FNDC3B: variants seen among roughly 807,000 people sequenced by gnomAD.
The protein encoded by FNDC3B is fibronectin type III domain containing 3B.
FNDC3B carries 12 observed loss-of-function variants against 151.5 expected under a neutral mutation model. The observed-to-expected ratio is 0.08, with a 90% CI of 0.05 to 0.13. The LOEUF is 0.13. Among genes scored for constraint, FNDC3B ranks in the 10% least tolerant of loss-of-function variants. The pLI is 1.00. For synonymous variants in FNDC3B, 528 were observed against 549.0 expected (o/e 0.96, Z 0.54); for missense variants, 1,214 against 1,505.3 (o/e 0.81, Z 3.20).
At chr3:172,274,465 G>A (rs898956385) in intron 6 of FNDC3B, among the ~76,000 whole-genome samples, 2 of 152,038 alleles carry the variant, frequency 1.3e-5, no homozygotes, top group African/African-American at 4.8e-5. Flanking sequence ...GAAGACCTGA[G>A]GATTTGATAC....
rs961013479 is a variant in FNDC3B, at chr3:172,303,930, A to G, written c.1062-3433A>G. ...TTTGTACTATATGCAGCATACTTAC[A>G]TTGCCATGCAAAATGGCTGACAAAA... is the stretch of plus-strand genomic sequence containing the variant. On this transcript the variant is annotated intron_variant, in intron 9 of 25. Transcript: ENST00000415807. Among the ~76,000 whole-genome samples the G allele has an allele frequency of 3.2e-4, 49 of 152,354 alleles. 1 individual carries two copies. The highest frequency in any genetic ancestry group is 1.2e-3 in the African/African-American group (48 of 41,582).
At chr3:172,305,577 A>C (rs1731156592) in intron 9 of FNDC3B, among the ~76,000 whole-genome samples, 1 of 152,228 alleles carries the variant, frequency 6.6e-6, no homozygotes, top group African/African-American at 2.4e-5. Context: ...GTAGTGACAT[A>C]GTCCTTTATT....
At chr3:172,201,475 G>A (rs979911151) in intron 3 of FNDC3B, among the ~76,000 whole-genome samples, 1 of 152,188 alleles carries the variant, frequency 6.6e-6, no homozygotes, top group Non-Finnish European at 1.5e-5. Context: ...GTGTTCTTCT[G>A]CCACTGGGCT....
At chr3:172,381,798 C>G (rs1337910503) in intron 25 of FNDC3B, among the ~76,000 whole-genome samples, 1 of 152,168 alleles carries the variant, frequency 6.6e-6, no homozygotes, top group African/African-American at 2.4e-5. Flanking sequence ...AGGACATGAA[C>G]TCGTTCTTTT....
chr3:172,231,563 TGGTG>T (rs1213268183), intron 4 of FNDC3B, among the ~76,000 whole-genome samples: 1 of 152,110 alleles, frequency 6.6e-6, no homozygotes, highest in African/African-American at 2.4e-5. Flanking sequence ...TTATTGGTGG[TGGTG>T]ATGGTGATGG....
chr3:172,355,096 T>A (rs1734031837), intron 22 of FNDC3B, among the ~76,000 whole-genome samples: 1 of 152,214 alleles, frequency 6.6e-6, no homozygotes, highest in South Asian at 2.1e-4. Flanking sequence ...CAATACTACT[T>A]TTAAAGGCAT....
intron 3 of FNDC3B, among the ~76,000 whole-genome samples, chr3:172,172,510 G>A (rs1576931342): frequency 6.6e-6 from 1 of 152,126 alleles, no homozygotes; most frequent in South Asian, 2.1e-4. Context: ...TGTTCCTGGG[G>A]GAATATGTTT....
chr3:172,380,853 G>A (rs1233431966), intron 24 of FNDC3B, 113 bp from the exon 25 acceptor site: 47 of 1,245,198 alleles, frequency 3.8e-5, no homozygotes, highest in East Asian at 2.5e-5. Flanking sequence ...CTCTCTCAGG[G>A]CAAACACAGG....
intron 4 of FNDC3B, among the ~76,000 whole-genome samples, chr3:172,227,416 A>G (rs1298044076): frequency 6.6e-6 from 1 of 152,254 alleles, no homozygotes; most frequent in Admixed American, 6.5e-5. Flanking sequence ...ATTGAGTATG[A>G]TGTGAGAACT....
intron 23 of FNDC3B, among the ~76,000 whole-genome samples, chr3:172,366,037 G>T (rs558834121): frequency 1.3e-5 from 2 of 152,138 alleles, no homozygotes; most frequent in Non-Finnish European, 2.9e-5. Flanking sequence ...GGTGTCCCTT[G>T]TAAATGATTG....
intron 22 of FNDC3B, among the ~76,000 whole-genome samples, chr3:172,359,242 T>A (rs953889856): frequency 6.6e-6 from 1 of 152,204 alleles, no homozygotes; most frequent in Admixed American, 6.5e-5. Context: ...TAAATTCTTA[T>A]AAGTGATTTA....
At chr3:172,222,118 A>T (rs952760882) in intron 3 of FNDC3B, among the ~76,000 whole-genome samples, 28 of 152,170 alleles carry the variant, frequency 1.8e-4, no homozygotes, top group Admixed American at 5.9e-4. Context: ...ATTTAAATCA[A>T]TTAGGAAAAA....
intron 25 of FNDC3B, among the ~76,000 whole-genome samples, chr3:172,383,441 A>G (rs1423682082): frequency 6.6e-6 from 1 of 152,238 alleles, no homozygotes; most frequent in East Asian, 1.9e-4. Context: ...ACTGAAGCCT[A>G]CATTCTGTCT....
intron 23 of FNDC3B, among the ~76,000 whole-genome samples, chr3:172,373,417 T>A (rs1234605996): frequency 6.6e-6 from 1 of 152,186 alleles, no homozygotes; most frequent in Non-Finnish European, 1.5e-5. Flanking sequence ...CCCTGGTCAT[T>A]CTACATATAA....
At chr3:172,148,117 G>A (rs1343413436) in intron 3 of FNDC3B, among the ~76,000 whole-genome samples, 1 of 151,896 alleles carries the variant, frequency 6.6e-6, no homozygotes, top group Admixed American at 6.6e-5. Flanking sequence ...AATTTTATTA[G>A]GAACTTGTTT....
chr3:172,170,461 G>A (rs1576929587), intron 3 of FNDC3B, among the ~76,000 whole-genome samples: 1 of 152,248 alleles, frequency 6.6e-6, no homozygotes, highest in Non-Finnish European at 1.5e-5. Context: ...GAATTTGCAA[G>A]CAATGTATTG....
chr3:172,054,154 C>G (rs1046273060), intron 1 of FNDC3B, among the ~76,000 whole-genome samples: 1 of 152,182 alleles, frequency 6.6e-6, no homozygotes, highest in Non-Finnish European at 1.5e-5. Context: ...ATTCCTAATA[C>G]TAACTGTTTT....
Position 172,227,580 on chromosome 3 carries a change from G to A in FNDC3B, c.264+633G>A, listed in dbSNP as rs531402596. ...AAAGCATAAAATGTTCTGCATGGCTGGAACATTGTGGACATCTGTATATAC... is the reference window on the plus strand; with the variant it reads ...AAAGCATAAAATGTTCTGCATGGCTAGAACATTGTGGACATCTGTATATAC... On this transcript the variant is annotated intron_variant, in intron 4 of 25. Transcript: ENST00000415807. Among the ~76,000 whole-genome samples the A allele has an allele frequency of 2.1e-3, 313 of 152,302 alleles. 3 individuals carry two copies. Among genetic ancestry groups the A allele is most frequent in the African/African-American group, 7.1e-3 (296 of 41,570 alleles).
At chr3:172,113,496 T>C (rs1256548576) in intron 2 of FNDC3B, among the ~76,000 whole-genome samples, 2 of 152,090 alleles carry the variant, frequency 1.3e-5, no homozygotes, top group East Asian at 3.8e-4. Flanking sequence ...CTTAATAATT[T>C]ATATTATTTT....
Sources: gnomAD v4.1 joint callset for allele counts (sites outside exome capture counted in the v4.1 genomes callset) on GRCh38, gnomAD v4.1.1 for gene constraint, MANE v1.5 for transcripts, NCBI Gene and HGNC (gene_info 2026-07-23, HGNC 2026-07-21) for gene names.